ZNF358: variants seen among roughly 807,000 people sequenced by gnomAD.
ZNF358 encodes the protein zinc finger protein 358.
ZNF358 carries 1 observed loss-of-function variant against 2.1 expected under a neutral mutation model. The ratio of observed to expected loss-of-function variants is 0.49; its 90% confidence interval spans 0.17 to 2.30. The LOEUF is 2.30. ZNF358 is among the 30% of genes most tolerant of loss of function. The pLI, the probability that ZNF358 is intolerant of heterozygous loss-of-function variation, is 0.26. For synonymous variants in ZNF358, 381 were observed against 359.7 expected (o/e 1.06, Z -0.67); for missense variants, 665 against 806.8 (o/e 0.82, Z 2.13).
chr19:7,520,442 A>T lies in ZNF358; in HGVS notation c.1200A>T (p.Ala400=). The change falls in exon 2 of 2, where the codon GCA becomes GCT. Residue 400 remains alanine (A), a synonymous_variant. Coordinates refer to ENST00000597229, the MANE Select transcript of ZNF358 (RefSeq NM_018083.5). The surrounding 1 kb of genome is among the most constrained non-coding windows in gnomAD (Gnocchi z 6.0). ...LTKHKRVHEG[A]AAAAAAAAAA... ...AGCACAAACGGGTGCATGAGGGTGC[A>T]GCCGCTGCTGCAGCTGCCGCGGCCG... is the stretch of plus-strand genomic sequence containing the variant. The T allele has an allele frequency of 6.9e-7, 1 of 1,445,016 alleles. No homozygotes were observed. Among genetic ancestry groups the T allele is most frequent in the Non-Finnish European group, 9.3e-7 (1 of 1,074,412 alleles). The allele number at this position is 1,445,016 out of a possible 1,614,324, so 89.5% of individuals were successfully genotyped here.
Position 7,516,780 on chromosome 19 carries a change from C to G in ZNF358, c.-39+531C>G, listed in dbSNP as rs2022349055. On this transcript the variant is annotated intron_variant, in intron 1 of 1. Coordinates refer to ENST00000597229, the MANE Select transcript of ZNF358 (RefSeq NM_018083.5). This position sits in a 1 kb window ranked among gnomAD's most constrained non-coding sequence, Gnocchi z 5.9. ...GAAGCTCCTTTCCCTGGAGGTGATC[C>G]AGGGGTCCACCTGCCCTCACCCCTG... Among the ~76,000 whole-genome samples the G allele has an allele frequency of 6.6e-6, 1 of 151,956 alleles. No individual in the cohort carries two copies. The highest frequency in any genetic ancestry group is 6.5e-5 in the Admixed American group (1 of 15,272).
Position 7,516,164 on chromosome 19 carries a change from T to C in ZNF358, c.-124T>C, listed in dbSNP as rs1048144635. On this transcript the variant is annotated 5_prime_UTR_variant, in exon 1 of 2. Transcript: ENST00000597229. This position sits in a 1 kb window ranked among gnomAD's most constrained non-coding sequence, Gnocchi z 5.9. ...GGGCCGAGGGGGCCGCCGGCGGGGC[T>C]GGCGGGCGGGGGGCTTCCTGCGGGC... is the stretch of plus-strand genomic sequence containing the variant. 2 of 133,500 alleles carry C rather than the reference T, an allele frequency of 1.5e-5. No individual in the cohort carries two copies. The highest frequency in any genetic ancestry group is 2.3e-4 in the South Asian group (1 of 4,416). 8.3% of individuals were successfully genotyped at this position (133,500 alleles called of 1,614,324 possible). A position where few individuals can be genotyped will look rare whatever the true frequency, so the allele number is the denominator to read the frequency against.
rs918857260 is a variant in ZNF358 at position 7,520,488 on chromosome 19, G to T, written c.1246G>T (p.Ala416Ser). ...GGCCGCTGCAGCTGCAGCAGCGGCC[G>T]CCGGCCTGGGCCTCGGGCCTGGCCT... ...AAAAAAAAAA[A>S]GLGLGPGLSP... Residue 416 changes from alanine to serine, a missense_variant, in exon 2 of 2, where the codon GCC (alanine) becomes TCC (serine). Coordinates refer to ENST00000597229, the MANE Select transcript of ZNF358 (RefSeq NM_018083.5). This position sits in a 1 kb window ranked among gnomAD's most constrained non-coding sequence, Gnocchi z 6.0. The T allele has an allele frequency of 6.6e-6, 8 of 1,217,172 alleles. No homozygotes were observed. The East Asian group carries it at 8.6e-5, about 13-fold the overall frequency. The allele number at this position is 1,217,172 out of a possible 1,614,324, so 75.4% of individuals were successfully genotyped here.
At position 7,520,643 on chromosome 19, in the gene ZNF358, G is replaced by A. The variant is rs749424398; in HGVS notation, c.1401G>A (p.Gly467=). ...SSGRNPDPGS[G]PGTLPDPSSK... ...GCCGCAACCCTGACCCTGGCTCTGG[G>A]CCGGGCACTCTGCCGGATCCCAGCT... Residue 467 remains glycine (G), a synonymous_variant, in exon 2 of 2, where the codon GGG becomes GGA. Transcript: ENST00000597229. The surrounding 1 kb of genome is among the most constrained non-coding windows in gnomAD (Gnocchi z 6.0). 20 of 1,569,578 alleles carry A rather than the reference G, an allele frequency of 1.3e-5. No individual in the cohort carries two copies. Among genetic ancestry groups the A allele is most frequent in the Middle Eastern group, 1.7e-4 (1 of 6,024 alleles).
At chr19:7,515,771 G>T (rs1422758403), upstream of ZNF358, among the ~76,000 whole-genome samples, 1 of 152,100 alleles carries the variant, frequency 6.6e-6, no homozygotes, top group Non-Finnish European at 1.5e-5. Context: ...CACAGAGAAA[G>T]GAACAGAGAT....
At position 7,519,309 on chromosome 19, in the gene ZNF358, G is replaced by A. The variant is rs762981901; in HGVS notation, c.67G>A (p.Asp23Asn). The part of the protein sequence containing the change: ...KGLRPVYEEL[D>N]SDSEDLDPNP... ...CCTGAGACCCGTTTATGAAGAGCTC[G>A]ACTCTGACTCCGAGGACCTAGACCC... Residue 23 changes from aspartate (D) to asparagine (N), a missense_variant, in exon 2 of 2, where the codon GAC becomes AAC. Physicochemically the swap from Asp to Asn is conservative, Grantham distance 23. Around this residue, in one of 3 missense-constraint regions of ZNF358, gnomAD observed 206 missense variants for 228.4 expected, o/e 0.90. Coordinates refer to ENST00000597229, the MANE Select transcript of ZNF358 (RefSeq NM_018083.5). 5 of 1,613,916 alleles carry A rather than the reference G, an allele frequency of 3.1e-6. No homozygotes were observed. The African/African-American group carries it at 4.0e-5, about 13-fold the overall frequency.
rs780448733 is a variant in ZNF358, at chr19:7,520,837, C to T, written c.1595C>T (p.Ser532Phe). ...PVPSPDPNPV[S>F]CPDPCSPTRG... ...CCCAGCCCTGATCCCAACCCTGTGT[C>T]CTGCCCTGACCCCTGTTCTCCCACT... is the stretch of plus-strand genomic sequence containing the variant. The change falls in exon 2 of 2, where the codon TCC (serine) becomes TTC (phenylalanine). Residue 532 changes from serine to phenylalanine, a missense_variant. By Grantham distance (155) the Ser-to-Phe change is radical (BLOSUM62 -2). Around this residue, in one of 3 missense-constraint regions of ZNF358, gnomAD observed 249 missense variants for 227.6 expected, o/e 1.09. Coordinates refer to ENST00000597229, the MANE Select transcript of ZNF358 (RefSeq NM_018083.5). The surrounding 1 kb of genome is among the most constrained non-coding windows in gnomAD (Gnocchi z 6.0). 13 of 1,613,936 alleles carry T rather than the reference C, an allele frequency of 8.1e-6. No homozygotes were observed. In the African/African-American group the frequency reaches 1.6e-4, roughly 20 times the overall value.
Position 7,519,425 on chromosome 19 carries a change from TGAA to T in ZNF358, c.186_188del (p.Glu62del). 1 of 1,614,040 alleles carries T rather than the reference TGAA, an allele frequency of 6.2e-7. No homozygotes were observed. Among genetic ancestry groups the T allele is most frequent in the South Asian group, 1.1e-5 (1 of 91,076 alleles). ...TCCCGGAAGACGTGGACCCCAGCTATGAAGATCTGGAGCCCGTCTCGGAGGATC... is the reference window on the plus strand; with the variant it reads ...TCCCGGAAGACGTGGACCCCAGCTATGATCTGGAGCCCGTCTCGGAGGATC... On this transcript the variant is annotated inframe_deletion, in exon 2 of 2. Coordinates refer to ENST00000597229, the MANE Select transcript of ZNF358 (RefSeq NM_018083.5).
At position 7,520,646 on chromosome 19, in the gene ZNF358, G is replaced by T; in HGVS notation, c.1404G>T (p.Pro468=). ...SGRNPDPGSG[P]GTLPDPSSKP... ...GCAACCCTGACCCTGGCTCTGGGCC[G>T]GGCACTCTGCCGGATCCCAGCTCCA... The change falls in exon 2 of 2, where the codon CCG becomes CCT. Residue 468 remains proline (P), a synonymous_variant. Transcript: ENST00000597229. The surrounding 1 kb of genome is among the most constrained non-coding windows in gnomAD (Gnocchi z 6.0). 1 of 1,576,082 alleles carries T rather than the reference G, an allele frequency of 6.3e-7. No homozygotes were observed. The highest frequency in any genetic ancestry group is 1.1e-5 in the South Asian group (1 of 88,034).
At chr19:7,518,022 A>C (rs1015834434) in intron 1 of ZNF358, among the ~76,000 whole-genome samples, 1 of 152,194 alleles carries the variant, frequency 6.6e-6, no homozygotes, top group Admixed American at 6.5e-5. Context: ...TGACACCCAC[A>C]CTGTTCCCCA....
At chr19:7,514,999 T>G (rs1279813946), upstream of ZNF358, among the ~76,000 whole-genome samples, 2 of 152,140 alleles carry the variant, frequency 1.3e-5, no homozygotes, top group Non-Finnish European at 2.9e-5. Context: ...CTTTGCTGAC[T>G]AGGTATTTCA....
At position 7,520,091 on chromosome 19, in the gene ZNF358, C is replaced by G; in HGVS notation, c.849C>G (p.Arg283=). ...GQGSALLKHL[R]THTGERPYPC... ...GCTCTGCGCTGCTCAAACACCTGCG[C>G]ACGCACACGGGCGAGCGGCCCTACC... The change falls in exon 2 of 2, where the codon CGC becomes CGG. Residue 283 remains arginine, a synonymous_variant. Transcript: ENST00000597229. This position sits in a 1 kb window ranked among gnomAD's most constrained non-coding sequence, Gnocchi z 6.0. The G allele has an allele frequency of 6.3e-7, 1 of 1,592,400 alleles. No individual in the cohort carries two copies. Among genetic ancestry groups the G allele is most frequent in the Non-Finnish European group, 8.5e-7 (1 of 1,175,926 alleles).
Position 7,519,715 on chromosome 19 carries a change from G to A in ZNF358, c.473G>A (p.Arg158Gln), listed in dbSNP as rs1386544283. The change falls in exon 2 of 2, where the codon CGA becomes CAA. Residue 158 changes from arginine (R) to glutamine (Q), a missense_variant. This residue lies in a region of ZNF358 where 206 missense variants were observed against 228.4 expected (regional missense o/e 0.90). Coordinates refer to ENST00000597229, the MANE Select transcript of ZNF358 (RefSeq NM_018083.5). ...PRPFSCPDCG[R>Q]AFRRSSGLSQ... ...CCCTTCTCCTGCCCGGATTGCGGGC[G>A]AGCCTTCCGCCGCAGCTCCGGGCTG... is the stretch of plus-strand genomic sequence containing the variant. The A allele has an allele frequency of 6.3e-7, 1 of 1,576,196 alleles. No homozygotes were observed. The highest frequency in any genetic ancestry group is 8.6e-7 in the Non-Finnish European group (1 of 1,168,676).
upstream of ZNF358, chr19:7,516,066 C>T (rs1391692757): frequency 1.4e-5 from 2 of 143,656 alleles, no homozygotes; most frequent in African/African-American, 5.2e-5. This position sits in a 1 kb window ranked among gnomAD's most constrained non-coding sequence, Gnocchi z 5.9. Flanking sequence ...GGGCGAACTA[C>T]AAGTCCCAGC....
chr19:7,520,477 C>T lies in ZNF358; in HGVS notation c.1235C>T (p.Ala412Val). 8.8e-7 allele frequency: 1 copy of T among 1,142,482 alleles called. No individual in the cohort carries two copies. Among genetic ancestry groups the T allele is most frequent in the Non-Finnish European group, 1.2e-6 (1 of 828,676 alleles). The allele number at this position is 1,142,482 out of a possible 1,614,324, so 70.8% of individuals were successfully genotyped here. Residue 412 changes from alanine (A) to valine (V), a missense_variant, in exon 2 of 2, where the codon GCA becomes GTA. By Grantham distance (64) the Ala-to-Val change is moderately conservative (BLOSUM62 0). This residue lies in a region of ZNF358 where 249 missense variants were observed against 227.6 expected (regional missense o/e 1.09). Transcript: ENST00000597229. This position sits in a 1 kb window ranked among gnomAD's most constrained non-coding sequence, Gnocchi z 6.0. ...GCAGCTGCCGCGGCCGCTGCAGCTG[C>T]AGCAGCGGCCGCCGGCCTGGGCCTC... ...AAAAAAAAAA[A>V]AAAAGLGLGP...
At position 7,520,969 on chromosome 19, in the gene ZNF358, G is replaced by A. The variant is rs560696524; in HGVS notation, c.*20G>A. On this transcript the variant is annotated 3_prime_UTR_variant, in exon 2 of 2. Transcript: ENST00000597229. The surrounding 1 kb of genome is among the most constrained non-coding windows in gnomAD (Gnocchi z 6.0). ...GGCTGAAGGAGACGCCGGCATCCTC[G>A]GGGGCCTGGGGAAGTTGTGTGTTGT... The A allele has an allele frequency of 4.4e-6, 7 of 1,606,592 alleles. No individual in the cohort carries two copies. Among genetic ancestry groups the A allele is most frequent in the Admixed American group, 1.7e-5 (1 of 59,536 alleles).
At chr19:7,518,559 G>GAGAAAGAAAGAAAGAA (rs1555740141) in intron 1 of ZNF358, among the ~76,000 whole-genome samples, 74 of 129,812 alleles carry the variant, frequency 5.7e-4, no homozygotes, top group African/African-American at 2.0e-3. Context: ...GAGAGAGAGA[G>GAGAAAGAAAGAAAGAA]AAAGAAAGAA....
Position 7,520,763 on chromosome 19 carries a change from G to A in ZNF358, c.1521G>A (p.Val507=). The change falls in exon 2 of 2, where the codon GTG becomes GTA. Residue 507 remains valine (V), a synonymous_variant. Transcript: ENST00000597229. The surrounding 1 kb of genome is among the most constrained non-coding windows in gnomAD (Gnocchi z 6.0). Reference sequence around the variant, plus strand: ...GGCACGACGCTGGTCCCGACCTTGTGCCCAGCCCAGACCTTGATCCTGTGC... The same window carrying A: ...GGCACGACGCTGGTCCCGACCTTGTACCCAGCCCAGACCTTGATCCTGTGC... ...KAGHDAGPDL[V]PSPDLDPVPS... 1.2e-6 allele frequency: 2 copies of A among 1,613,890 alleles called. No homozygotes were observed. Among genetic ancestry groups the A allele is most frequent in the African/African-American group, 1.3e-5 (1 of 75,002 alleles).
At position 7,519,758 on chromosome 19, in the gene ZNF358, G is replaced by T; in HGVS notation, c.516G>T (p.Thr172=). 1 of 1,527,728 alleles carries T rather than the reference G, an allele frequency of 6.5e-7. No homozygotes were observed. The highest frequency in any genetic ancestry group is 8.7e-7 in the Non-Finnish European group (1 of 1,144,150). 94.6% of individuals were successfully genotyped at this position (1,527,728 alleles called of 1,614,324 possible). The stretch of plus-strand genomic sequence containing the variant: ...CCGGGCTGAGCCAGCATCGCCGCAC[G>T]CACAGCGGCGAGAAGCCGTACCGCT... ...RSSGLSQHRR[T]HSGEKPYRCP... The change falls in exon 2 of 2, where the codon ACG becomes ACT. Residue 172 remains threonine, a synonymous_variant. Coordinates refer to ENST00000597229, the MANE Select transcript of ZNF358 (RefSeq NM_018083.5).
Sources: allele counts gnomAD v4.1 joint callset (sites outside exome capture counted in the v4.1 genomes callset), GRCh38; gene constraint gnomAD v4.1.1; regional missense constraint gnomAD v4.1.1; non-coding constraint Gnocchi (gnomAD v3.1); transcripts MANE v1.5; gene names NCBI Gene and HGNC (gene_info 2026-07-23, HGNC 2026-07-21).